Variants in NEMP1 observed in about 807,000 individuals in gnomAD.
NEMP1 encodes transmembrane protein 194.
A neutral mutation model predicts 53.7 loss-of-function variants in NEMP1; 29 were observed. The ratio of observed to expected loss-of-function variants is 0.54; its 90% confidence interval spans 0.40 to 0.74. The LOEUF (loss-of-function observed/expected upper bound fraction) is 0.74, where lower values mean the gene tolerates loss of function less well. NEMP1 is among the 30% of genes least tolerant of loss of function. NEMP1 has a pLI of 0.00. For synonymous variants in NEMP1, 193 were observed against 192.9 expected (o/e 1.00, Z 0.00); for missense variants, 477 against 528.6 (o/e 0.90, Z 0.96).
rs2031704375 is a variant in NEMP1 at position 57,059,755 on chromosome 12, T to G, written c.*124A>C. ...AGGGAGGCCTTTTTAGGCCTCTTAT[T>G]TCAGTAGGAGAATTTCTACCCTATC... is the stretch of plus-strand genomic sequence containing the variant. On this transcript the variant is annotated 3_prime_UTR_variant, in exon 9 of 9. Transcript: ENST00000300128. 2.3e-6 allele frequency: 2 copies of G among 875,222 alleles called. No homozygotes were observed. The highest frequency in any genetic ancestry group is 5.8e-5 in the Admixed American group (2 of 34,614). The allele number at this position is 875,222 out of a possible 1,614,324, so 54.2% of individuals were successfully genotyped here. A position where few individuals can be genotyped will look rare whatever the true frequency, so the allele number is the denominator to read the frequency against.
intron 1 of NEMP1, among the ~76,000 whole-genome samples, chr12:57,086,635 G>A (rs559341967): frequency 1.3e-5 from 2 of 151,974 alleles, no homozygotes; most frequent in South Asian, 4.1e-4. Flanking sequence ...GAAATTCCTT[G>A]TTCTCAACGG....
At position 57,064,073 on chromosome 12, in the gene NEMP1, A is replaced by G. The variant is rs755606574; in HGVS notation, c.752T>C (p.Leu251Ser). 1.9e-6 allele frequency: 3 copies of G among 1,581,554 alleles called. No homozygotes were observed. The highest frequency in any genetic ancestry group is 4.5e-5 in the East Asian group (2 of 44,276). Reference protein sequence around the residue: ...EIWRCYWQYLLSYVLTVGFMS... With the variant: ...EIWRCYWQYLSSYVLTVGFMS... ...AAAGCAAAACCGACAACACTTACTT[A>G]AAAGATACTGCCAGTAACACCTCCA... is the stretch of plus-strand genomic sequence containing the variant. Residue 251 changes from leucine to serine, a missense_variant and splice_region_variant, in exon 6 of 9, where the codon TTA becomes TCA. Physicochemically the swap from Leu to Ser is moderately radical, Grantham distance 145. Transcript: ENST00000300128.
intron 7 of NEMP1, among the ~76,000 whole-genome samples, chr12:57,061,705 A>C (rs1054867409): frequency 6.7e-6 from 1 of 149,786 alleles, no homozygotes; most frequent in Non-Finnish European, 1.5e-5. Context: ...AAAAAAAAAA[A>C]AAACAAAAAA....
intron 7 of NEMP1, among the ~76,000 whole-genome samples, chr12:57,061,933 A>C (rs538305363): frequency 6.6e-6 from 1 of 152,090 alleles, no homozygotes; most frequent in Non-Finnish European, 1.5e-5. Flanking sequence ...CAGGAGGCAG[A>C]GGTTGCGGTG....
At chr12:57,083,526 T>C (rs1295228687), upstream of NEMP1, among the ~76,000 whole-genome samples, 3 of 152,234 alleles carry the variant, frequency 2.0e-5, no homozygotes, top group Admixed American at 2.0e-4. Flanking sequence ...TTTCAAAATT[T>C]TTTGGATTTT....
chr12:57,058,714 T>C lies in NEMP1; in HGVS notation c.*1165A>G, dbSNP rs1478006983. On this transcript the variant is annotated 3_prime_UTR_variant, in exon 9 of 9. Coordinates refer to ENST00000300128, the MANE Select transcript of NEMP1 (RefSeq NM_001130963.2). ...GGAGCCTATTTCCTGGCAATGCAAA[T>C]TGTGGCTGCTGCATAACTACAAATT... The C allele has an allele frequency of 6.6e-6, 1 of 152,140 alleles. No individual in the cohort carries two copies. Among genetic ancestry groups the C allele is most frequent in the Non-Finnish European group, 1.5e-5 (1 of 68,026 alleles). The allele number at this position is 152,140 out of a possible 1,614,324, so 9.4% of individuals were successfully genotyped here. A position where few individuals can be genotyped will look rare whatever the true frequency, so the allele number is the denominator to read the frequency against.
At chr12:57,075,088 C>CA (rs1565664808) in intron 1 of NEMP1, among the ~76,000 whole-genome samples, 1 of 147,292 alleles carries the variant, frequency 6.8e-6, no homozygotes, top group Non-Finnish European at 1.5e-5. Context: ...GACTACGTCT[C>CA]AAAAAAATAA....
At position 57,074,282 on chromosome 12, in the gene NEMP1, C is replaced by A. The variant is rs369954030; in HGVS notation, c.128-1370G>T. 4.6e-4 allele frequency among the ~76,000 whole-genome samples: 69 copies of A among 150,832 alleles called. No homozygotes were observed. The South Asian group carries it at 0.012, about 26-fold the overall frequency. On this transcript the variant is annotated intron_variant, in intron 1 of 8. Transcript: ENST00000300128. The stretch of plus-strand genomic sequence containing the variant: ...CTGGGATTACAGATCTGCCACCATG[C>A]CCAGCCAGCATTTTTTTTTTTTTTT...
At chr12:57,077,888 C>T (rs1471167817) in intron 1 of NEMP1, among the ~76,000 whole-genome samples, 2 of 152,056 alleles carry the variant, frequency 1.3e-5, no homozygotes, top group Non-Finnish European at 2.9e-5. Context: ...TCGAGACCAC[C>T]CTGGCCAACA....
At chr12:57,068,283 A>G (rs982259349) in intron 4 of NEMP1, among the ~76,000 whole-genome samples, 1 of 151,876 alleles carries the variant, frequency 6.6e-6, no homozygotes, top group African/African-American at 2.4e-5. Context: ...TATTTTCTTC[A>G]TATTTGTACA....
intron 4 of NEMP1, among the ~76,000 whole-genome samples, chr12:57,068,461 G>A (rs934262594): frequency 1.3e-5 from 2 of 151,424 alleles, no homozygotes; most frequent in Non-Finnish European, 2.9e-5. Flanking sequence ...AGCGGTTCTC[G>A]TGCCTTAGCC....
intron 1 of NEMP1, among the ~76,000 whole-genome samples, chr12:57,077,004 A>G (rs2032656398): frequency 2.0e-5 from 3 of 152,158 alleles, no homozygotes; most frequent in Middle Eastern, 6.8e-3. Flanking sequence ...ATCTGCACAT[A>G]CATTGGAATG....
intron 2 of NEMP1, among the ~76,000 whole-genome samples, chr12:57,071,993 T>C (rs2032371387): frequency 6.6e-6 from 1 of 152,244 alleles, no homozygotes; most frequent in Non-Finnish European, 1.5e-5. Context: ...TTAACAGTGT[T>C]ATGAAATAAA....
At chr12:57,068,873 G>C (rs2032216994) in intron 4 of NEMP1, among the ~76,000 whole-genome samples, 1 of 151,972 alleles carries the variant, frequency 6.6e-6, no homozygotes, top group Non-Finnish European at 1.5e-5. Context: ...GAAGCTATTT[G>C]TTTCTTTACG....
At chr12:57,067,095 G>A (rs2032119534) in intron 4 of NEMP1, among the ~76,000 whole-genome samples, 2 of 152,214 alleles carry the variant, frequency 1.3e-5, no homozygotes, top group Non-Finnish European at 2.9e-5. Flanking sequence ...GGAGGCTGAG[G>A]CAGGCAGATC....
chr12:57,068,391 G>C (rs564540988), intron 4 of NEMP1, among the ~76,000 whole-genome samples: 27 of 150,364 alleles, frequency 1.8e-4, no homozygotes, highest in African/African-American at 5.9e-4. Flanking sequence ...TCCCTCTGTG[G>C]CCCAGGTTGA....
rs575514624 is a variant in NEMP1, at chr12:57,061,586, G to A, written c.981-641C>T. 4.0e-5 allele frequency among the ~76,000 whole-genome samples: 6 copies of A among 151,758 alleles called. 1 individual carries two copies. The South Asian group carries it at 8.3e-4, about 21-fold the overall frequency. On this transcript the variant is annotated intron_variant, in intron 7 of 8. Transcript: ENST00000300128. Reference sequence around the variant, plus strand: ...TGCATACCTGTAATCCCAGCTATTCGGGAGGCTGAGGCAGGACAATCGCTT... The same window carrying A: ...TGCATACCTGTAATCCCAGCTATTCAGGAGGCTGAGGCAGGACAATCGCTT...
intron 3 of NEMP1, among the ~76,000 whole-genome samples, chr12:57,070,239 A>G (rs1255037297): frequency 7.9e-6 from 1 of 125,862 alleles, no homozygotes; most frequent in Non-Finnish European, 1.7e-5. Context: ...CTTGTGAATG[A>G]TTTTCAATTT....
rs749672805 is a variant in NEMP1 at position 57,060,982 on chromosome 12, A to G, written c.981-37T>C. On this transcript the variant is annotated intron_variant, in intron 7 of 8. Coordinates refer to ENST00000300128, the MANE Select transcript of NEMP1 (RefSeq NM_001130963.2). ...AAAATAACATTATGAATCATTAATC[A>G]GTAATCTATATCCATCCTTACTTCT... The G allele has an allele frequency of 4.4e-6, 7 of 1,600,274 alleles. No individual in the cohort carries two copies. The South Asian group carries it at 7.9e-5, about 18-fold the overall frequency.
Sources: allele counts gnomAD v4.1 joint callset (sites outside exome capture counted in the v4.1 genomes callset), GRCh38; gene constraint gnomAD v4.1.1; transcripts MANE v1.5; gene names NCBI Gene and HGNC (gene_info 2026-07-23, HGNC 2026-07-21).